Variants in ADNP observed in about 807,000 individuals in gnomAD.
The protein encoded by ADNP is activity-dependent neuroprotector homeobox protein.
ADNP carries 4 observed loss-of-function variants against 84.9 expected under a neutral mutation model. The observed-to-expected ratio is 0.05, with a 90% CI of 0.02 to 0.11. The LOEUF (loss-of-function observed/expected upper bound fraction) is 0.11. Ranked by LOEUF, ADNP falls within the 10% of genes least tolerant of loss-of-function variation. The probability of loss-of-function intolerance (pLI) is 1.00; values close to 1 mark genes in which losing one functional copy is unlikely to be tolerated. For missense variants in ADNP, 1,132 were observed against 1,326.0 expected (o/e 0.85, Z 2.27); for synonymous variants, 554 against 468.1 (o/e 1.18, Z -2.37).
intron 2 of ADNP, among the ~76,000 whole-genome samples, chr20:50,910,327 T>C (rs1395370372): frequency 1.3e-5 from 2 of 152,240 alleles, no homozygotes; most frequent in East Asian, 3.8e-4. Flanking sequence ...AAGTATTTTA[T>C]TTACGACTGA....
intron 1 of ADNP, among the ~76,000 whole-genome samples, chr20:50,929,889 G>A (rs1365946204): frequency 6.6e-6 from 1 of 152,106 alleles, no homozygotes; most frequent in African/African-American, 2.4e-5. Flanking sequence ...GAAGTGTCCA[G>A]AGTAACTGGT....
At chr20:50,930,405 G>C (rs1601004889) in intron 1 of ADNP, among the ~76,000 whole-genome samples, 1 of 151,668 alleles carries the variant, frequency 6.6e-6, no homozygotes, top group Admixed American at 6.6e-5. Context: ...CCTGGCAGAA[G>C]GCTGGTTCAA....
chr20:50,908,147 GTTTTTTT>G (rs142605027), intron 2 of ADNP, among the ~76,000 whole-genome samples: 113 of 105,904 alleles, frequency 1.1e-3, no homozygotes, highest in East Asian at 6.1e-3. Context: ...AGATTTTTCT[GTTTTTTT>G]TTTTTTTTTT....
chr20:50,908,537 G>A (rs1982718547), intron 2 of ADNP, among the ~76,000 whole-genome samples: 1 of 152,146 alleles, frequency 6.6e-6, no homozygotes, highest in South Asian at 2.1e-4. Context: ...CACTTTGGGA[G>A]GCCAAGGCGG....
chr20:50,893,674 A>G lies in ADNP; in HGVS notation c.1040T>C (p.Met347Thr). ...TGCGTTGCCACCTAGACCCAGTCTC[A>G]TTGACTGACCAACACTGTAACCCTG... ...VGQGYSVGQSMRLGLGGNAPV... is the reference protein window; with the variant it reads ...VGQGYSVGQSTRLGLGGNAPV... The change falls in exon 6 of 6, where the codon ATG becomes ACG. Residue 347 changes from methionine (M) to threonine (T), a missense_variant. Physicochemically the swap from Met to Thr is moderately conservative, Grantham distance 81. This residue lies in a region of ADNP where 239 missense variants were observed against 213.2 expected (regional missense o/e 1.12). Coordinates refer to ENST00000621696, the MANE Select transcript of ADNP (RefSeq NM_001282531.3). This position sits in a 1 kb window ranked among gnomAD's most constrained non-coding sequence, Gnocchi z 4.4. 1 of 1,614,162 alleles carries G rather than the reference A, an allele frequency of 6.2e-7. No homozygotes were observed. Among genetic ancestry groups the G allele is most frequent in the Non-Finnish European group, 8.5e-7 (1 of 1,180,036 alleles).
intron 2 of ADNP, among the ~76,000 whole-genome samples, chr20:50,924,020 G>T (rs1984133001): frequency 6.6e-6 from 1 of 152,090 alleles, no homozygotes; most frequent in South Asian, 2.1e-4. Context: ...CACTCAAAAG[G>T]TTCTCAGGTC....
Position 50,889,094 on chromosome 20 carries a change from C to T in ADNP, c.*2311G>A, listed in dbSNP as rs1042740883. On this transcript the variant is annotated 3_prime_UTR_variant, in exon 6 of 6. Transcript: ENST00000621696. Reference sequence around the variant, plus strand: ...TGAGACACTTGTAGGGATTCTGCAACATTTCCAGTTGGGAATCTTTATTTC... The same window carrying T: ...TGAGACACTTGTAGGGATTCTGCAATATTTCCAGTTGGGAATCTTTATTTC... The T allele has an allele frequency of 6.6e-6, 1 of 152,178 alleles. No individual in the cohort carries two copies. Among genetic ancestry groups the T allele is most frequent in the Non-Finnish European group, 1.5e-5 (1 of 68,036 alleles). The allele number at this position is 152,178 out of a possible 1,614,324, so 9.4% of individuals were successfully genotyped here. A position where few individuals can be genotyped will look rare whatever the true frequency, so the allele number is the denominator to read the frequency against.
intron 2 of ADNP, among the ~76,000 whole-genome samples, chr20:50,922,932 C>T (rs565557274): frequency 1.3e-5 from 2 of 152,134 alleles, no homozygotes; most frequent in East Asian, 3.9e-4. Context: ...TTCCCTTCCC[C>T]GGGGTATAGG....
chr20:50,914,528 CTA>C, intron 2 of ADNP: 1 of 253,134 alleles, frequency 4.0e-6, no homozygotes. Flanking sequence ...AACATGTTGA[CTA>C]TTGTTCCTGC....
chr20:50,900,568 G>T (rs1187667020), intron 5 of ADNP, among the ~76,000 whole-genome samples: 2 of 152,186 alleles, frequency 1.3e-5, no homozygotes, highest in African/African-American at 4.8e-5. Flanking sequence ...TCATAAGGTA[G>T]CAAGTTTTTC....
intron 5 of ADNP, among the ~76,000 whole-genome samples, chr20:50,901,321 T>TAAA (rs11470054): frequency 0.18 from 16,329 of 92,642 alleles, 1,870 homozygotes; most frequent in Non-Finnish European, 0.23. Context: ...CTGGGGTATT[T>TAAA]AAAAAAAAAA....
rs1489681877 is a variant in ADNP, at chr20:50,894,650, T to C, written c.202-138A>G. On this transcript the variant is annotated intron_variant, in intron 5 of 5. Coordinates refer to ENST00000621696, the MANE Select transcript of ADNP (RefSeq NM_001282531.3). ...TGGCTCACGCCTGTAATCCCAGCAC[T>C]TTGGGAGGCTGAGGTGGGTGGATCA... 7 of 920,348 alleles carry C rather than the reference T, an allele frequency of 7.6e-6. No homozygotes were observed. In the African/African-American group the frequency reaches 1.2e-4, roughly 16 times the overall value. The allele number at this position is 920,348 out of a possible 1,614,324, so 57.0% of individuals were successfully genotyped here.
chr20:50,902,546 A>T (rs1035832529), intron 4 of ADNP, among the ~76,000 whole-genome samples: 3 of 152,200 alleles, frequency 2.0e-5, no homozygotes, highest in Admixed American at 1.3e-4. Flanking sequence ...GCAGGAGATC[A>T]GATCAGGAAG....
intron 5 of ADNP, among the ~76,000 whole-genome samples, chr20:50,901,580 G>C (rs1246175239): frequency 6.6e-6 from 1 of 152,132 alleles, no homozygotes; most frequent in Non-Finnish European, 1.5e-5. Context: ...TTATCTCTCT[G>C]TCACTGACAT....
intron 2 of ADNP, among the ~76,000 whole-genome samples, chr20:50,922,426 A>G (rs139782658): frequency 6.6e-6 from 1 of 151,908 alleles, no homozygotes; most frequent in Non-Finnish European, 1.5e-5. Context: ...GCATCTCACA[A>G]AACTTGGGGA....
At chr20:50,930,146 G>A (rs139401721) in intron 1 of ADNP, among the ~76,000 whole-genome samples, 1 of 152,090 alleles carries the variant, frequency 6.6e-6, no homozygotes, top group African/African-American at 2.4e-5. Flanking sequence ...AAATCTTTTT[G>A]CAGCTCTCTG....
intron 5 of ADNP, among the ~76,000 whole-genome samples, chr20:50,897,586 G>C (rs895783431): frequency 3.9e-5 from 6 of 152,128 alleles, no homozygotes; most frequent in African/African-American, 1.4e-4. Flanking sequence ...CCAAGCCCAA[G>C]CAAGATTCTT....
At chr20:50,910,831 A>G (rs551276337) in intron 2 of ADNP, among the ~76,000 whole-genome samples, 53 of 152,186 alleles carry the variant, frequency 3.5e-4, no homozygotes, top group African/African-American at 1.2e-3. Context: ...ATTTTTTAAA[A>G]AAATTTAATA....
intron 5 of ADNP, among the ~76,000 whole-genome samples, chr20:50,899,701 T>C (rs929347814): frequency 3.3e-5 from 5 of 151,596 alleles, no homozygotes; most frequent in Non-Finnish European, 7.4e-5. Context: ...GCTGTGAAGG[T>C]GGCAATGGTA....
Sources: allele counts gnomAD v4.1 joint callset (sites outside exome capture counted in the v4.1 genomes callset), GRCh38; gene constraint gnomAD v4.1.1; regional missense constraint gnomAD v4.1.1; non-coding constraint Gnocchi (gnomAD v3.1); transcripts MANE v1.5; gene names NCBI Gene and HGNC (gene_info 2026-07-23, HGNC 2026-07-21).